Variants in SGK3 observed in about 807,000 individuals in gnomAD.
The protein encoded by SGK3 is serum/glucocorticoid regulated kinase family member 3.
SGK3 carries 47 observed loss-of-function variants against 68.5 expected under a neutral mutation model. The observed-to-expected ratio is 0.69, with a 90% CI of 0.54 to 0.87. The LOEUF is 0.87. SGK3 is among the 40% of genes least tolerant of loss of function. SGK3 has a pLI of 0.00. For missense variants in SGK3, 479 were observed against 575.5 expected (o/e 0.83, Z 1.72); for synonymous variants, 181 against 189.1 (o/e 0.96, Z 0.35).
chr8:66,722,647 A>G (rs1037674878), intron 1 of SGK3, among the ~76,000 whole-genome samples: 4 of 152,218 alleles, frequency 2.6e-5, no homozygotes, highest in African/African-American at 9.6e-5. Flanking sequence ...CGAAAGTGCT[A>G]TATCATTTAC....
intron 1 of SGK3, among the ~76,000 whole-genome samples, chr8:66,746,216 C>A (rs1478869765): frequency 6.6e-6 from 1 of 152,160 alleles, no homozygotes; most frequent in Non-Finnish European, 1.5e-5. Flanking sequence ...TCTTAGGTTT[C>A]GCCCTCCAAC....
intron 16 of SGK3, among the ~76,000 whole-genome samples, chr8:66,855,353 C>T (rs1448332561): frequency 6.6e-6 from 1 of 152,126 alleles, no homozygotes; most frequent in Non-Finnish European, 1.5e-5. Flanking sequence ...CAGGTGTGCA[C>T]CACCATGCCC....
chr8:66,738,723 G>A (rs537385545), intron 1 of SGK3, among the ~76,000 whole-genome samples: 14 of 152,124 alleles, frequency 9.2e-5, no homozygotes, highest in African/African-American at 2.9e-4. Context: ...CGCCTCCCGG[G>A]TTCACACCAT....
intron 1 of SGK3, among the ~76,000 whole-genome samples, chr8:66,748,314 G>T (rs1805708607): frequency 6.6e-6 from 1 of 152,094 alleles, no homozygotes; most frequent in Non-Finnish European, 1.5e-5. Flanking sequence ...TATGCTCGAA[G>T]GTTTCTAAAG....
chr8:66,811,922 G>A (rs1287680362), intron 4 of SGK3, among the ~76,000 whole-genome samples: 2 of 152,142 alleles, frequency 1.3e-5, no homozygotes, highest in Admixed American at 6.6e-5. Flanking sequence ...AATGTCCTTG[G>A]AAGAGTTTAA....
chr8:66,720,536 A>G (rs1004126736), intron 1 of SGK3, among the ~76,000 whole-genome samples: 3 of 151,946 alleles, frequency 2.0e-5, no homozygotes, highest in Non-Finnish European at 2.9e-5. Flanking sequence ...TTGGGAGGCC[A>G]AGGCGGGTGG....
At chr8:66,798,775 A>C (rs907249019) in intron 3 of SGK3, 150 bp downstream of exon 3, 2 of 636,562 alleles carry the variant, frequency 3.1e-6, no homozygotes, top group African/African-American at 1.8e-5. Context: ...AAAACATCCT[A>C]ACTTTGGAAT....
At chr8:66,767,514 A>T (rs1462976393) in intron 1 of SGK3, 9 of 1,511,614 alleles carry the variant, frequency 6.0e-6, no homozygotes, top group Non-Finnish European at 8.3e-6. Context: ...TCAAAGGTGA[A>T]GGGGGGCCCA....
At chr8:66,792,459 A>G (rs1361251324) in intron 1 of SGK3, among the ~76,000 whole-genome samples, 1 of 152,192 alleles carries the variant, frequency 6.6e-6, no homozygotes, top group African/African-American at 2.4e-5. Context: ...TGAATATTCA[A>G]TGCCTGCTGA....
intron 1 of SGK3, among the ~76,000 whole-genome samples, chr8:66,759,820 C>T (rs1806100519): frequency 6.6e-6 from 1 of 151,952 alleles, no homozygotes; most frequent in Non-Finnish European, 1.5e-5. Context: ...CTCCTGACCT[C>T]GTGATCCACC....
intron 10 of SGK3, among the ~76,000 whole-genome samples, chr8:66,838,037 T>C (rs1335465080): frequency 6.6e-6 from 1 of 152,232 alleles, no homozygotes; most frequent in Non-Finnish European, 1.5e-5. Context: ...TAATTTGCCA[T>C]GGCATTTATA....
At chr8:66,762,705 T>C (rs1385853674) in intron 1 of SGK3, among the ~76,000 whole-genome samples, 1 of 152,252 alleles carries the variant, frequency 6.6e-6, no homozygotes, top group Non-Finnish European at 1.5e-5. Context: ...AATTGGTAAT[T>C]GATATCTCAT....
chr8:66,841,897 T>C (rs1809811179), intron 13 of SGK3, among the ~76,000 whole-genome samples: 1 of 152,210 alleles, frequency 6.6e-6, no homozygotes, highest in Non-Finnish European at 1.5e-5. Flanking sequence ...GTTTAGTTTA[T>C]TTTGAACTGT....
chr8:66,849,787 C>G (rs1055490859), intron 15 of SGK3, among the ~76,000 whole-genome samples: 1 of 152,090 alleles, frequency 6.6e-6, no homozygotes, highest in Admixed American at 6.6e-5. Context: ...TCATATTGCC[C>G]AGGTTGGGTT....
At chr8:66,734,403 T>G (rs1475458221) in intron 1 of SGK3, among the ~76,000 whole-genome samples, 1 of 152,128 alleles carries the variant, frequency 6.6e-6, no homozygotes, top group Non-Finnish European at 1.5e-5. Flanking sequence ...TAAAAATTGT[T>G]AAAATTGTGA....
intron 1 of SGK3, among the ~76,000 whole-genome samples, chr8:66,746,573 A>G (rs1443454348): frequency 2.6e-5 from 4 of 151,870 alleles, no homozygotes. Context: ...TTTTTTTTAA[A>G]GGCAAAATCT....
Position 66,713,815 on chromosome 8 carries a change from G to A in SGK3, c.-122+982G>A, listed in dbSNP as rs868776959. Among the ~76,000 whole-genome samples the A allele has an allele frequency of 5.3e-5, 8 of 152,292 alleles. No individual in the cohort carries two copies. The South Asian group carries it at 6.2e-4, about 12-fold the overall frequency. On this transcript the variant is annotated intron_variant, in intron 1 of 16. Transcript: ENST00000521198. ...TACTTTAGTTCCCCAAATGTCATTG[G>A]AAGAGCTGTAAACATTAGAGGAAGT... is the stretch of plus-strand genomic sequence containing the variant.
chr8:66,766,233 A>C (rs966589433), intron 1 of SGK3, among the ~76,000 whole-genome samples: 1 of 151,776 alleles, frequency 6.6e-6, no homozygotes, highest in Non-Finnish European at 1.5e-5. Context: ...ACAAATATCA[A>C]TTAAGTTGGC....
At chr8:66,858,143 G>T (rs73693624) in intron 16 of SGK3, among the ~76,000 whole-genome samples, 2,765 of 152,188 alleles carry the variant, frequency 0.018, 87 homozygotes, top group African/African-American at 0.062. Context: ...TGAGAAACCA[G>T]ATGGACAGGC....
Sources: gnomAD v4.1 joint callset for allele counts (sites outside exome capture counted in the v4.1 genomes callset) on GRCh38, gnomAD v4.1.1 for gene constraint, MANE v1.5 for transcripts, NCBI Gene and HGNC (gene_info 2026-07-23, HGNC 2026-07-21) for gene names.